Variants in TMEM117 observed in about 807,000 individuals in gnomAD.
TMEM117 encodes the protein transmembrane protein 117.
Under a neutral mutation model 52.4 loss-of-function variants are expected in TMEM117, and 27 were observed. That is an observed-to-expected ratio of 0.51 (90% confidence interval 0.38 to 0.71). The LOEUF (loss-of-function observed/expected upper bound fraction) is 0.71, where lower values mean the gene tolerates loss of function less well. Among genes scored for constraint, TMEM117 ranks in the 30% least tolerant of loss-of-function variants. The pLI, the probability that TMEM117 is intolerant of heterozygous loss-of-function variation, is 0.00. For missense variants in TMEM117, 556 were observed against 630.5 expected (o/e 0.88, Z 1.26); for synonymous variants, 215 against 206.3 (o/e 1.04, Z -0.36).
intron 6 of TMEM117, among the ~76,000 whole-genome samples, chr12:44,311,437 A>C (rs11182465): frequency 0.04 from 6,079 of 152,104 alleles, 409 homozygotes; most frequent in African/African-American, 0.14. Context: ...CCTTCTAAAG[A>C]GGGTGAATGC....
chr12:44,385,445 A>G (rs918514334), intron 7 of TMEM117, among the ~76,000 whole-genome samples: 24 of 152,134 alleles, frequency 1.6e-4, no homozygotes, highest in Non-Finnish European at 2.9e-5. Flanking sequence ...GAGTCAAGAA[A>G]GTAGTGGGAG....
chr12:43,941,498 T>C (rs1424841766), intron 2 of TMEM117, among the ~76,000 whole-genome samples: 1 of 152,246 alleles, frequency 6.6e-6, no homozygotes, highest in East Asian at 1.9e-4. Context: ...TGTATTTCCA[T>C]CTGACATCCT....
chr12:43,800,538 G>T, the TMEM117 span: 2 of 1,604,248 alleles, frequency 1.2e-6, no homozygotes, highest in Admixed American at 1.7e-5. Flanking sequence ...AACCTATTCA[G>T]TTGTGAAAGT....
At chr12:43,839,229 A>C (rs1006915022) in intron 1 of TMEM117, among the ~76,000 whole-genome samples, 1 of 152,174 alleles carries the variant, frequency 6.6e-6, no homozygotes, top group Non-Finnish European at 1.5e-5. Flanking sequence ...CTTTCTTACA[A>C]AATATTTTCA....
chr12:43,982,804 G>A (rs944766869), intron 3 of TMEM117, among the ~76,000 whole-genome samples: 4 of 152,108 alleles, frequency 2.6e-5, no homozygotes, highest in African/African-American at 7.2e-5. Flanking sequence ...CACATATTAT[G>A]TATTTTGTTT....
intron 4 of TMEM117, among the ~76,000 whole-genome samples, chr12:44,168,882 T>C (rs1042955778): frequency 3.3e-5 from 5 of 152,188 alleles, no homozygotes; most frequent in African/African-American, 1.2e-4. Flanking sequence ...CCTCAGCCAC[T>C]GGCAGCTAGC....
chr12:43,803,620 T>C, the TMEM117 span, among the ~76,000 whole-genome samples: 1 of 152,106 alleles, frequency 6.6e-6, no homozygotes, highest in East Asian at 1.9e-4. Context: ...TTTAGTTCCT[T>C]AACTAGTCAC....
At chr12:44,136,065 C>G (rs1485979566) in intron 3 of TMEM117, among the ~76,000 whole-genome samples, 1 of 152,066 alleles carries the variant, frequency 6.6e-6, no homozygotes, top group Non-Finnish European at 1.5e-5. Context: ...AAACTTATGG[C>G]AATGCATTGT....
chr12:44,163,194 G>A (rs538892251), intron 4 of TMEM117, among the ~76,000 whole-genome samples: 34 of 152,254 alleles, frequency 2.2e-4, no homozygotes, highest in Middle Eastern at 3.4e-3. Flanking sequence ...TTCTAGGCAC[G>A]AGCCACATTT....
chr12:44,241,009 G>A (rs1442867281), intron 5 of TMEM117, among the ~76,000 whole-genome samples: 1 of 151,890 alleles, frequency 6.6e-6, no homozygotes, highest in African/African-American at 2.4e-5. Context: ...CGTGTGAATT[G>A]GTTTCAGAGC....
At chr12:44,268,199 G>A (rs937803944) in intron 5 of TMEM117, among the ~76,000 whole-genome samples, 2 of 151,358 alleles carry the variant, frequency 1.3e-5, no homozygotes, top group Non-Finnish European at 2.9e-5. Flanking sequence ...GTGCAATGAC[G>A]TGATCTCGGC....
intron 6 of TMEM117, among the ~76,000 whole-genome samples, chr12:44,372,547 T>G (rs1177074068): frequency 6.6e-6 from 1 of 150,920 alleles, no homozygotes; most frequent in Non-Finnish European, 1.5e-5. Context: ...TTAAAGTTGG[T>G]CTTCTTGTTT....
chr12:43,995,808 TATG>T (rs1194618011), intron 3 of TMEM117, among the ~76,000 whole-genome samples: 1 of 152,196 alleles, frequency 6.6e-6, no homozygotes, highest in African/African-American at 2.4e-5. Context: ...ATAACAGTAA[TATG>T]ATAAATTTCC....
chr12:44,182,608 C>T (rs1048500583), intron 4 of TMEM117, among the ~76,000 whole-genome samples: 1 of 152,206 alleles, frequency 6.6e-6, no homozygotes, highest in Non-Finnish European at 1.5e-5. Flanking sequence ...ACTGAAAGAA[C>T]TACCTGACAT....
chr12:44,207,235 G>C (rs1283186443), intron 4 of TMEM117, among the ~76,000 whole-genome samples: 1 of 152,072 alleles, frequency 6.6e-6, no homozygotes. Context: ...CATAGCCATA[G>C]TTATTTTTCT....
the TMEM117 span, chr12:43,802,231 T>C: frequency 1.6e-6 from 2 of 1,255,004 alleles, no homozygotes; most frequent in Non-Finnish European, 1.1e-6. Context: ...CCTAGAAATT[T>C]CAAAAACATT....
intron 2 of TMEM117, among the ~76,000 whole-genome samples, chr12:43,862,447 G>A (rs1030267354): frequency 2.0e-5 from 3 of 152,204 alleles, no homozygotes; most frequent in Non-Finnish European, 4.4e-5. Context: ...GTGAGCCGCT[G>A]CACCCAGAAA....
the TMEM117 span, among the ~76,000 whole-genome samples, chr12:43,809,372 A>G: frequency 2.0e-5 from 3 of 152,246 alleles, no homozygotes; most frequent in South Asian, 6.2e-4. Flanking sequence ...TTGTATGACC[A>G]TGAACAACAT....
intron 2 of TMEM117, among the ~76,000 whole-genome samples, chr12:43,902,744 A>G (rs1944325120): frequency 6.6e-6 from 1 of 152,210 alleles, no homozygotes; most frequent in African/African-American, 2.4e-5. Context: ...TTTAATGGAT[A>G]GATTAGAGAA....
Sources: allele counts gnomAD v4.1 joint callset (sites outside exome capture counted in the v4.1 genomes callset), GRCh38; gene constraint gnomAD v4.1.1; transcripts MANE v1.5; gene names NCBI Gene and HGNC (gene_info 2026-07-23, HGNC 2026-07-21).